Variants in TEAD1 observed in about 807,000 individuals in gnomAD.
The protein encoded by TEAD1 is transcriptional enhancer factor TEF-1.
A neutral mutation model predicts 54.9 loss-of-function variants in TEAD1; 9 were observed. The ratio of observed to expected loss-of-function variants is 0.16; its 90% CI spans 0.10 to 0.29. The LOEUF (loss-of-function observed/expected upper bound fraction) is 0.29, where lower values mean the gene tolerates loss of function less well. Ranked by LOEUF, TEAD1 falls within the 10% of genes least tolerant of loss-of-function variation. The pLI is 1.00. For missense variants in TEAD1, 387 were observed against 535.9 expected (o/e 0.72, Z 2.74); for synonymous variants, 200 against 187.8 (o/e 1.07, Z -0.53).
intron 3 of TEAD1, among the ~76,000 whole-genome samples, chr11:12,843,885 C>T (rs1426324792): frequency 6.6e-6 from 1 of 152,168 alleles, no homozygotes; most frequent in Non-Finnish European, 1.5e-5. Flanking sequence ...AATAACCAAC[C>T]ATTGACCACG....
At chr11:12,859,851 G>A (rs4757957) in intron 3 of TEAD1, among the ~76,000 whole-genome samples, 1 of 151,994 alleles carries the variant, frequency 6.6e-6, no homozygotes, top group Admixed American at 6.6e-5. Flanking sequence ...AGACGAGCCC[G>A]TATGAAAAAG....
intron 5 of TEAD1, among the ~76,000 whole-genome samples, chr11:12,878,517 A>G (rs1484588450): frequency 1.3e-5 from 2 of 152,104 alleles, no homozygotes; most frequent in Non-Finnish European, 2.9e-5. Context: ...TAGCCTTTAT[A>G]TGCCTACGAG....
intron 3 of TEAD1, among the ~76,000 whole-genome samples, chr11:12,804,995 G>C (rs1249286760): frequency 6.6e-6 from 1 of 152,202 alleles, no homozygotes; most frequent in African/African-American, 2.4e-5. Flanking sequence ...GTAGACTCTA[G>C]TTATAATCTT....
At position 12,764,219 on chromosome 11, in the gene TEAD1, A is replaced by T; in HGVS notation, c.-14A>T. On this transcript the variant is annotated 5_prime_UTR_variant, in exon 3 of 13. Coordinates refer to ENST00000527636, the MANE Select transcript of TEAD1 (RefSeq NM_021961.6). Reference sequence around the variant, plus strand: ...AAGGCTCCAGGCTTCGGCTTGGAAAATCCCACCGCCAAAATTGAGCCCAGC... The same window carrying T: ...AAGGCTCCAGGCTTCGGCTTGGAAATTCCCACCGCCAAAATTGAGCCCAGC... The T allele has an allele frequency of 6.2e-7, 1 of 1,612,028 alleles. No homozygotes were observed. The highest frequency in any genetic ancestry group is 1.1e-5 in the South Asian group (1 of 90,744).
chr11:12,880,285 C>A (rs1292896692), intron 6 of TEAD1, among the ~76,000 whole-genome samples: 9 of 152,164 alleles, frequency 5.9e-5, no homozygotes, highest in Non-Finnish European at 1.2e-4. Context: ...TGACACCTAC[C>A]AAAGGCTGAG....
At chr11:12,798,787 A>ATTTT (rs1945989958) in intron 3 of TEAD1, among the ~76,000 whole-genome samples, 1 of 152,252 alleles carries the variant, frequency 6.6e-6, no homozygotes, top group Non-Finnish European at 1.5e-5. Flanking sequence ...TTTCCATAAA[A>ATTTT]GGAGCATGCA....
Position 12,907,255 on chromosome 11 carries a change from A to G in TEAD1, c.873+5142A>G, listed in dbSNP as rs557024567. Among the ~76,000 whole-genome samples the G allele has an allele frequency of 6.6e-5, 10 of 152,320 alleles. No homozygotes were observed. In the East Asian group the frequency reaches 1.7e-3, roughly 26 times the overall value. ...TGTGTGTAACGTATGCTTCAGGTGC[A>G]TTGAGGTGTGTTGCAGCTGAATCTT... On this transcript the variant is annotated intron_variant, in intron 10 of 12. Transcript: ENST00000527636.
chr11:12,741,299 A>G (rs958457377), intron 2 of TEAD1, among the ~76,000 whole-genome samples: 12 of 152,084 alleles, frequency 7.9e-5, no homozygotes, highest in Middle Eastern at 6.8e-3. Context: ...TATAATCTAC[A>G]TCTTTCTGCT....
chr11:12,803,628 G>A (rs145396780), intron 3 of TEAD1, among the ~76,000 whole-genome samples: 250 of 152,318 alleles, frequency 1.6e-3, no homozygotes, highest in African/African-American at 5.6e-3. Context: ...GTGCTGGGAC[G>A]CTTAGGAGCT....
chr11:12,691,892 C>T (rs1564908467), intron 2 of TEAD1, among the ~76,000 whole-genome samples: 1 of 152,174 alleles, frequency 6.6e-6, no homozygotes, highest in East Asian at 1.9e-4. Flanking sequence ...TTGAATTAAG[C>T]TTTGTACTTC....
At chr11:12,821,961 C>CTTTTTTTTTTTTTT (rs10700151) in intron 3 of TEAD1, among the ~76,000 whole-genome samples, 1,770 of 68,020 alleles carry the variant, frequency 0.026, 347 homozygotes, top group Middle Eastern at 0.048. Flanking sequence ...TTCTCTTTTC[C>CTTTTTTTTTTTTTT]TTTTTTTTTT....
intron 3 of TEAD1, among the ~76,000 whole-genome samples, chr11:12,814,749 T>G: frequency 6.6e-6 from 1 of 150,640 alleles, no homozygotes; most frequent in Non-Finnish European, 1.5e-5. Flanking sequence ...TGATCTCAAG[T>G]CCAGCCACCC....
chr11:12,931,456 A>G (rs1425088451), intron 12 of TEAD1, among the ~76,000 whole-genome samples: 2 of 152,244 alleles, frequency 1.3e-5, no homozygotes, highest in East Asian at 1.9e-4. Flanking sequence ...CTGAAAGCCT[A>G]CTTTATTCCT....
At chr11:12,875,233 C>T in intron 5 of TEAD1, among the ~76,000 whole-genome samples, 1 of 152,202 alleles carries the variant, frequency 6.6e-6, no homozygotes, top group East Asian at 1.9e-4. Flanking sequence ...TTAGCCTCCT[C>T]CCCTTTAGAG....
chr11:12,927,860 AAATTCTC>A (rs1353055488), intron 11 of TEAD1, among the ~76,000 whole-genome samples: 2 of 152,172 alleles, frequency 1.3e-5, no homozygotes, highest in Non-Finnish European at 2.9e-5. Context: ...CCATCTTAGC[AAATTCTC>A]ATACTTAACT....
At position 12,891,896 on chromosome 11, in the gene TEAD1, C is replaced by T. The variant is rs112699401; in HGVS notation, c.699+8771C>T. ...TCACCTGGGCTTGGTGATGGCAGCC[C>T]CTCAGCCAGAAGGAAGGGAGTTTTG... On this transcript the variant is annotated intron_variant, in intron 9 of 12. Coordinates refer to ENST00000527636, the MANE Select transcript of TEAD1 (RefSeq NM_021961.6). 3.6e-4 allele frequency among the ~76,000 whole-genome samples: 55 copies of T among 152,242 alleles called. 1 individual carries two copies. The highest frequency in any genetic ancestry group is 6.8e-3 in the Middle Eastern group (2 of 294).
chr11:12,940,018 C>T lies in TEAD1; in HGVS notation c.*2796C>T, dbSNP rs1949145435. The T allele has an allele frequency of 6.6e-6, 1 of 152,264 alleles. No individual in the cohort carries two copies. The highest frequency in any genetic ancestry group is 6.5e-5 in the Admixed American group (1 of 15,282). The allele number at this position is 152,264 out of a possible 1,614,324, so 9.4% of individuals were successfully genotyped here. On this transcript the variant is annotated 3_prime_UTR_variant, in exon 13 of 13. Transcript: ENST00000527636. ...TTCCAGGTGCTCTATCCCCTCGAGA[C>T]CCTCTGGTGCCAGGCTTGCTTCACG...
chr11:12,801,998 G>A (rs1295116450), intron 3 of TEAD1, among the ~76,000 whole-genome samples: 1 of 152,214 alleles, frequency 6.6e-6, no homozygotes, highest in African/African-American at 2.4e-5. Context: ...AGGTCACTGT[G>A]GAATGAGACA....
intron 2 of TEAD1, among the ~76,000 whole-genome samples, chr11:12,676,135 C>T (rs1267836004): frequency 2.0e-5 from 3 of 152,194 alleles, no homozygotes; most frequent in Admixed American, 6.5e-5. Context: ...GTCTGTTAAG[C>T]CTGCCACATT....
Sources: allele counts gnomAD v4.1 joint callset (sites outside exome capture counted in the v4.1 genomes callset), GRCh38; gene constraint gnomAD v4.1.1; transcripts MANE v1.5; gene names NCBI Gene and HGNC (gene_info 2026-07-23, HGNC 2026-07-21).